The following ANKRD46 variants were observed in gnomAD, a reference collection of about 807,000 sequenced individuals.
The protein encoded by ANKRD46 is ankyrin repeat domain 46.
A neutral mutation model predicts 19.8 loss-of-function variants in ANKRD46; 13 were observed. The observed-to-expected ratio is 0.66, with a 90% CI of 0.43 to 1.04. ANKRD46 has a LOEUF of 1.04. Ranked by LOEUF, ANKRD46 falls within the 50% of genes least tolerant of loss-of-function variation. The probability of loss-of-function intolerance (pLI) is 0.00; values close to 1 mark genes in which losing one functional copy is unlikely to be tolerated. For missense variants in ANKRD46, 185 were observed against 274.8 expected, an observed-to-expected ratio of 0.67 and a Z score of 2.31; for synonymous variants, 91 against 106.9, an observed-to-expected ratio of 0.85 and a Z score of 0.92.
chr8:100,533,954 G>C (rs548101201), intron 1 of ANKRD46, among the ~76,000 whole-genome samples: 13 of 152,288 alleles, frequency 8.5e-5, no homozygotes, highest in Admixed American at 7.2e-4. Context: ...CACTGAGAGA[G>C]ACTACGAGGG....
chr8:100,551,182 T>C, intron 1 of ANKRD46: 1 of 439,728 alleles, frequency 2.3e-6, no homozygotes, highest in East Asian at 5.2e-5. Context: ...AGTGGCAGCA[T>C]GGATTGTGGT....
intron 3 of ANKRD46, 144 bp from the exon 4 acceptor site, chr8:100,528,147 G>A (rs2130654551): frequency 1.1e-6 from 1 of 910,712 alleles, no homozygotes; most frequent in East Asian, 2.9e-5. Flanking sequence ...CTACCCTAGG[G>A]CTGTGGGGAA....
rs1287171001 is a variant in ANKRD46 at position 100,550,207 on chromosome 8, G to A, written c.-131+9504C>T. Among the ~76,000 whole-genome samples, 4 of 152,360 alleles carry A rather than the reference G, an allele frequency of 2.6e-5. No individual in the cohort carries two copies. Among genetic ancestry groups the A allele is most frequent in the Middle Eastern group, 3.4e-3 (1 of 294 alleles). On this transcript the variant is annotated intron_variant, in intron 1 of 4. Transcript: ENST00000335659. The surrounding 1 kb of genome is among the most constrained non-coding windows in gnomAD (Gnocchi z 4.4). ...AAGGAGCATGATTGCTGGATGGTAA[G>A]AGTATGTTTAGTTTTTTTAAGAAAC...
chr8:100,517,924 C>T (rs1811660859), downstream of ANKRD46, among the ~76,000 whole-genome samples: 1 of 152,230 alleles, frequency 6.6e-6, no homozygotes, highest in Non-Finnish European at 1.5e-5. Context: ...GGCGCAGTGG[C>T]TCACGCCTGT....
intron 1 of ANKRD46, among the ~76,000 whole-genome samples, chr8:100,538,908 T>G (rs1812119047): frequency 6.6e-6 from 1 of 152,200 alleles, no homozygotes; most frequent in African/African-American, 2.4e-5. Flanking sequence ...TCTATGTATG[T>G]ACCATAATTT....
chr8:100,556,225 T>C lies in ANKRD46; in HGVS notation c.-131+3486A>G, dbSNP rs1812496401. 2.6e-5 allele frequency among the ~76,000 whole-genome samples: 4 copies of C among 152,128 alleles called. No individual in the cohort carries two copies. The South Asian group carries it at 8.3e-4, about 31-fold the overall frequency. On this transcript the variant is annotated intron_variant, in intron 1 of 4. Coordinates refer to ENST00000335659, the MANE Select transcript of ANKRD46 (RefSeq NM_001270377.2). ...TTGTAGAGATGAGCTCTCCCTATGT[T>C]GTCCAGGCTGGTCTTGAACTCCTGA...
At position 100,525,664 on chromosome 8, in the gene ANKRD46, T is replaced by C. The variant is rs1227589501; in HGVS notation, c.470+2181A>G. Among the ~76,000 whole-genome samples the C allele has an allele frequency of 3.9e-5, 6 of 152,230 alleles. No individual in the cohort carries two copies. On this transcript the variant is annotated intron_variant, in intron 4 of 4. Coordinates refer to ENST00000335659, the MANE Select transcript of ANKRD46 (RefSeq NM_001270377.2). The surrounding 1 kb of genome is among the most constrained non-coding windows in gnomAD (Gnocchi z 4.4). ...TCAGCTGATGGATATCTGGGTGGTA[T>C]CAATGTTTTGGCTATTATGAATAAT...
rs1367209886 is a variant in ANKRD46, at chr8:100,545,083, T to G, written c.-130-11772A>C. On this transcript the variant is annotated intron_variant, in intron 1 of 4. Coordinates refer to ENST00000335659, the MANE Select transcript of ANKRD46 (RefSeq NM_001270377.2). The surrounding 1 kb of genome is among the most constrained non-coding windows in gnomAD (Gnocchi z 4.7). ...CTCATGCCTGAAATCCCAGCACTTT[T>G]GGAGGCAGAGGTGGGAGAATTGCTT... 2.0e-5 allele frequency among the ~76,000 whole-genome samples: 3 copies of G among 152,170 alleles called. No homozygotes were observed.
chr8:100,532,530 T>C lies in ANKRD46; in HGVS notation c.-28+679A>G, dbSNP rs1811986578. 6.6e-6 allele frequency: 1 copy of C among 151,892 alleles called. No homozygotes were observed. The highest frequency in any genetic ancestry group is 2.1e-4 in the South Asian group (1 of 4,808). 9.4% of individuals were successfully genotyped at this position (151,892 alleles called of 1,614,324 possible). A position where few individuals can be genotyped will look rare whatever the true frequency, so the allele number is the denominator to read the frequency against. On this transcript the variant is annotated intron_variant, in intron 2 of 4. Coordinates refer to ENST00000335659, the MANE Select transcript of ANKRD46 (RefSeq NM_001270377.2). The surrounding 1 kb of genome is among the most constrained non-coding windows in gnomAD (Gnocchi z 4.7). ...AACAGAAAAACTCAATGAGAAGAAT[T>C]TACTCAATAAAATAGTCAAGAATTC...
chr8:100,556,515 T>C (rs1321649910), intron 1 of ANKRD46: 1 of 152,216 alleles, frequency 6.6e-6, no homozygotes, highest in African/African-American at 2.4e-5. Flanking sequence ...AAATTTACTA[T>C]GGGAACGACT....
At chr8:100,530,872 A>C (rs1811947232) in intron 2 of ANKRD46, among the ~76,000 whole-genome samples, 1 of 152,322 alleles carries the variant, frequency 6.6e-6, no homozygotes, top group African/African-American at 2.4e-5. Flanking sequence ...GGGAAAAAAA[A>C]GTAGGGCTGT....
rs1235790134 is a variant in ANKRD46 at position 100,529,265 on chromosome 8, C to T, written c.311+258G>A. ...AACAAATGTTCTTTTCTTCTTCTTC[C>T]CTTGTTGTAACACTACATAATTAGT... On this transcript the variant is annotated intron_variant, in intron 3 of 4. Transcript: ENST00000335659. The surrounding 1 kb of genome is among the most constrained non-coding windows in gnomAD (Gnocchi z 5.8). Among the ~76,000 whole-genome samples, 1 of 152,164 alleles carries T rather than the reference C, an allele frequency of 6.6e-6. No homozygotes were observed. The highest frequency in any genetic ancestry group is 1.5e-5 in the Non-Finnish European group (1 of 68,024).
intron 2 of ANKRD46, among the ~76,000 whole-genome samples, chr8:100,530,261 C>T (rs1482536017): frequency 1.3e-5 from 2 of 152,168 alleles, no homozygotes; most frequent in Non-Finnish European, 2.9e-5. Context: ...TTATTTAATA[C>T]AAACTAATTC....
At chr8:100,512,883 AC>A (rs1811569126) in intron 5 of ANKRD46, among the ~76,000 whole-genome samples, 1 of 152,092 alleles carries the variant, frequency 6.6e-6, no homozygotes, top group African/African-American at 2.4e-5. Flanking sequence ...TTCAATGTAA[AC>A]CTGAGATTGG....
rs2469647 is a variant in ANKRD46, at chr8:100,545,744, C to A, written c.-130-12433G>T. ...TGGGAAAGTCTGGAACTTCCTAGAG[C>A]CTTGCTGAATGGTTTTGACCAAAAT... is the stretch of plus-strand genomic sequence containing the variant. On this transcript the variant is annotated intron_variant, in intron 1 of 4. Coordinates refer to ENST00000335659, the MANE Select transcript of ANKRD46 (RefSeq NM_001270377.2). The surrounding 1 kb of genome is among the most constrained non-coding windows in gnomAD (Gnocchi z 4.7). Among the ~76,000 whole-genome samples, 82,244 of 151,978 alleles carry A rather than the reference C, an allele frequency of 0.54. 22,787 individuals are homozygous for A. Among genetic ancestry groups the A allele is most frequent in the African/African-American group, 0.67 (27,752 of 41,466 alleles).
At chr8:100,555,569 GC>G (rs1425513970) in intron 1 of ANKRD46, among the ~76,000 whole-genome samples, 1 of 150,314 alleles carries the variant, frequency 6.7e-6, no homozygotes, top group Non-Finnish European at 1.5e-5. Flanking sequence ...TGATGGAAGG[GC>G]CTAACTTAAG....
At chr8:100,530,852 G>C (rs1371652188) in intron 2 of ANKRD46, among the ~76,000 whole-genome samples, 3 of 152,140 alleles carry the variant, frequency 2.0e-5, no homozygotes, top group Non-Finnish European at 4.4e-5. Flanking sequence ...TCCAAAGACT[G>C]AGAGATGAGG....
At position 100,534,807 on chromosome 8, in the gene ANKRD46, T is replaced by A. The variant is rs1473051257; in HGVS notation, c.-130-1496A>T. Among the ~76,000 whole-genome samples the A allele has an allele frequency of 6.6e-6, 1 of 152,246 alleles. No homozygotes were observed. Among genetic ancestry groups the A allele is most frequent in the East Asian group, 1.9e-4 (1 of 5,202 alleles). On this transcript the variant is annotated intron_variant, in intron 1 of 4. Transcript: ENST00000335659. This position sits in a 1 kb window ranked among gnomAD's most constrained non-coding sequence, Gnocchi z 4.2. ...ATTTTTGAGACAGAGTCTCACTCTG[T>A]CGCTGGTGCCGGAGTGCAGTGGTGC...
At position 100,529,505 on chromosome 8, in the gene ANKRD46, A is replaced by C. The variant is rs1448019379; in HGVS notation, c.311+18T>G. ...ATGGGAAGAAATGACTAGACTTCTA[A>C]AACAACAGAGAACTTACCAAATATC... On this transcript the variant is annotated intron_variant, in intron 3 of 4. Coordinates refer to ENST00000335659, the MANE Select transcript of ANKRD46 (RefSeq NM_001270377.2). The surrounding 1 kb of genome is among the most constrained non-coding windows in gnomAD (Gnocchi z 5.8). 3 of 1,598,290 alleles carry C rather than the reference A, an allele frequency of 1.9e-6. No individual in the cohort carries two copies. Among genetic ancestry groups the C allele is most frequent in the Admixed American group, 3.4e-5 (2 of 58,792 alleles).
Sources: gnomAD v4.1 joint callset for allele counts (sites outside exome capture counted in the v4.1 genomes callset) on GRCh38, gnomAD v4.1.1 for gene constraint, Gnocchi (gnomAD v3.1) non-coding constraint, MANE v1.5 for transcripts, NCBI Gene and HGNC (gene_info 2026-07-23, HGNC 2026-07-21) for gene names.